The following EDN1 variants were observed in gnomAD, a reference collection of about 807,000 sequenced individuals.
The protein encoded by EDN1 is endothelin-1.
A neutral mutation model predicts 21.7 loss-of-function variants in EDN1; 11 were observed. The observed-to-expected ratio is 0.51, with a 90% CI of 0.32 to 0.84. The LOEUF (loss-of-function observed/expected upper bound fraction) is 0.84. Among genes scored for constraint, EDN1 ranks in the 40% least tolerant of loss-of-function variants. The probability of loss-of-function intolerance (pLI) is 0.03; values close to 1 mark genes in which losing one functional copy is unlikely to be tolerated. For missense variants in EDN1, 244 were observed against 262.3 expected (o/e 0.93, Z 0.48); for synonymous variants, 85 against 90.6 (o/e 0.94, Z 0.35).
Position 12,296,347 on chromosome 6 carries a change from G to A in EDN1, c.*280G>A, listed in dbSNP as rs1581890033. 3.3e-5 allele frequency: 13 copies of A among 396,538 alleles called. No individual in the cohort carries two copies. Among genetic ancestry groups the A allele is most frequent in the South Asian group, 3.1e-4 (13 of 42,498 alleles). 24.6% of individuals were successfully genotyped at this position (396,538 alleles called of 1,614,324 possible). On this transcript the variant is annotated 3_prime_UTR_variant, in exon 5 of 5. Transcript: ENST00000379375. Reference sequence around the variant, plus strand: ...AACACACAGTCACATTCGAATTCGGGTGGCATCCTCCGGAGAGAGAGAGAG... The same window carrying A: ...AACACACAGTCACATTCGAATTCGGATGGCATCCTCCGGAGAGAGAGAGAG...
the EDN1 span, among the ~76,000 whole-genome samples, chr6:12,241,997 C>T: frequency 1.3e-5 from 2 of 152,164 alleles, no homozygotes; most frequent in Non-Finnish European, 2.9e-5. Flanking sequence ...ACCATAACCC[C>T]GTTAGGTAAT....
upstream of EDN1, among the ~76,000 whole-genome samples, chr6:12,290,062 C>T (rs1036106758): frequency 6.6e-6 from 1 of 152,096 alleles, no homozygotes; most frequent in African/African-American, 2.4e-5. Context: ...TCTTGAACTC[C>T]GGGGCTGGCA....
chr6:12,274,939 C>CTCCTCCCTTCCTGCCT, the EDN1 span, among the ~76,000 whole-genome samples: 2 of 135,454 alleles, frequency 1.5e-5, no homozygotes, highest in South Asian at 5.5e-4. Context: ...TTTCTTCCTT[C>CTCCTCCCTTCCTGCCT]TCCTTCCTTC....
the EDN1 span, among the ~76,000 whole-genome samples, chr6:12,250,414 G>A: frequency 6.6e-6 from 1 of 152,112 alleles, no homozygotes; most frequent in African/African-American, 2.4e-5. Flanking sequence ...CTTGAAGAAG[G>A]TATCTTCAGA....
At chr6:12,275,555 A>G in the EDN1 span, among the ~76,000 whole-genome samples, 2 of 152,226 alleles carry the variant, frequency 1.3e-5, no homozygotes, top group South Asian at 2.1e-4. Context: ...AGATATTTAT[A>G]TAATATTTGT....
At chr6:12,287,738 A>T (rs1762582901), upstream of EDN1, among the ~76,000 whole-genome samples, 1 of 149,580 alleles carries the variant, frequency 6.7e-6, no homozygotes, top group Non-Finnish European at 1.5e-5. Context: ...ACACACACAC[A>T]CACACACACA....
upstream of EDN1, among the ~76,000 whole-genome samples, chr6:12,288,172 C>T (rs1762595444): frequency 1.3e-5 from 2 of 151,922 alleles, no homozygotes; most frequent in African/African-American, 2.4e-5. Flanking sequence ...CGGTGGTTTC[C>T]GGGTAGGGGC....
At chr6:12,243,628 A>T in the EDN1 span, among the ~76,000 whole-genome samples, 1 of 152,216 alleles carries the variant, frequency 6.6e-6, no homozygotes, top group Admixed American at 6.5e-5. Flanking sequence ...GAATTAATAC[A>T]TACATACATA....
At chr6:12,295,324 A>G (rs1762796282) in intron 4 of EDN1, among the ~76,000 whole-genome samples, 1 of 152,130 alleles carries the variant, frequency 6.6e-6, no homozygotes, top group Non-Finnish European at 1.5e-5. Flanking sequence ...ACACCTGCTT[A>G]TGAGAGTATC....
At position 12,296,142 on chromosome 6, in the gene EDN1, G is replaced by C. The variant is rs1004667603; in HGVS notation, c.*75G>C. The C allele has an allele frequency of 1.5e-6, 2 of 1,332,340 alleles. No individual in the cohort carries two copies. The highest frequency in any genetic ancestry group is 1.4e-5 in the African/African-American group (1 of 69,502). 82.5% of individuals were successfully genotyped at this position (1,332,340 alleles called of 1,614,324 possible). A position where few individuals can be genotyped will look rare whatever the true frequency, so the allele number is the denominator to read the frequency against. On this transcript the variant is annotated 3_prime_UTR_variant, in exon 5 of 5. Transcript: ENST00000379375. ...GGCCGACTCTGCACTCTCCACCCTG[G>C]CTGGGATCAGAGCAGGAGCATCCTC...
In EDN1 at chr6:12,291,753, A is replaced by T. The variant is rs10478705; in HGVS notation, c.65-588A>T. On this transcript the variant is annotated intron_variant, in intron 1 of 4. Coordinates refer to ENST00000379375, the MANE Select transcript of EDN1 (RefSeq NM_001955.5). The stretch of plus-strand genomic sequence containing the variant: ...TGGTTTCTATGGAGTTACCCTCCTG[A>T]ATTGAATATTGAATAGTTAATTTCT... Among the ~76,000 whole-genome samples, 1,328 of 152,242 alleles carry T rather than the reference A, an allele frequency of 8.7e-3. 16 individuals are homozygous for T. The highest frequency in any genetic ancestry group is 0.031 in the African/African-American group (1,280 of 41,532).
chr6:12,233,962 G>A, the EDN1 span, among the ~76,000 whole-genome samples: 1 of 152,104 alleles, frequency 6.6e-6, no homozygotes, highest in African/African-American at 2.4e-5. Context: ...ACCAAATAAA[G>A]GCTTCAGCTT....
chr6:12,279,532 C>T, the EDN1 span, among the ~76,000 whole-genome samples: 18 of 152,264 alleles, frequency 1.2e-4, no homozygotes, highest in Admixed American at 5.2e-4. Flanking sequence ...TGGCAGGATG[C>T]GGTCAGAGGT....
chr6:12,275,247 A>T, the EDN1 span, among the ~76,000 whole-genome samples: 2 of 152,098 alleles, frequency 1.3e-5, no homozygotes, highest in Non-Finnish European at 2.9e-5. Flanking sequence ...CCTCATAGAC[A>T]TGCTTCCTTG....
the EDN1 span, among the ~76,000 whole-genome samples, chr6:12,255,092 A>G: frequency 5.3e-5 from 8 of 152,378 alleles, no homozygotes; most frequent in South Asian, 8.3e-4. Context: ...GATGAAAGAA[A>G]TTATCAAATT....
At chr6:12,279,055 C>T in the EDN1 span, among the ~76,000 whole-genome samples, 3 of 152,166 alleles carry the variant, frequency 2.0e-5, no homozygotes, top group Non-Finnish European at 4.4e-5. Context: ...CTTTTTGCAG[C>T]TGGACTCCCA....
the EDN1 span, among the ~76,000 whole-genome samples, chr6:12,240,196 A>T: frequency 1.3e-5 from 2 of 152,196 alleles, no homozygotes; most frequent in African/African-American, 2.4e-5. Context: ...CACCTTTCCC[A>T]GACAGCCAGC....
chr6:12,277,791 C>T, the EDN1 span, among the ~76,000 whole-genome samples: 4 of 152,192 alleles, frequency 2.6e-5, no homozygotes, highest in African/African-American at 4.8e-5. Flanking sequence ...GCGGGACTAC[C>T]GCCTGCTTAT....
chr6:12,264,574 T>C, the EDN1 span, among the ~76,000 whole-genome samples: 1 of 152,136 alleles, frequency 6.6e-6, no homozygotes, highest in Non-Finnish European at 1.5e-5. Context: ...AAGAATTGTT[T>C]TGGGCCACAC....
Sources: gnomAD v4.1 joint callset for allele counts (sites outside exome capture counted in the v4.1 genomes callset) on GRCh38, gnomAD v4.1.1 for gene constraint, MANE v1.5 for transcripts, NCBI Gene and HGNC (gene_info 2026-07-23, HGNC 2026-07-21) for gene names.